PTPRD: variants seen among roughly 807,000 people sequenced by gnomAD.
The protein encoded by PTPRD is protein tyrosine phosphatase receptor type D.
PTPRD carries 34 observed loss-of-function variants against 214.5 expected under a neutral mutation model. The ratio of observed to expected loss-of-function variants is 0.16; its 90% CI spans 0.12 to 0.21. PTPRD has a LOEUF of 0.21. Among genes scored for constraint, PTPRD ranks in the 10% least tolerant of loss-of-function variants. The pLI is 1.00. For synonymous variants in PTPRD, 1,128 were observed against 845.7 expected (o/e 1.33, Z -5.79); for missense variants, 2,545 against 2,398.7 (o/e 1.06, Z -1.27).
chr9:10,334,216 T>G (rs1322342900), intron 3 of PTPRD, among the ~76,000 whole-genome samples: 1 of 151,764 alleles, frequency 6.6e-6, no homozygotes, highest in Admixed American at 6.6e-5. Context: ...GGTTATAAGA[T>G]AATAGGCAAA....
At chr9:10,264,778 GAT>G (rs1157076612) in intron 3 of PTPRD, among the ~76,000 whole-genome samples, 2 of 152,052 alleles carry the variant, frequency 1.3e-5, no homozygotes, top group African/African-American at 4.8e-5. Flanking sequence ...GGGGCGGAAT[GAT>G]ATGGTTTTGC....
At chr9:9,062,485 C>G (rs1390012868) in intron 10 of PTPRD, among the ~76,000 whole-genome samples, 3 of 152,102 alleles carry the variant, frequency 2.0e-5, no homozygotes, top group African/African-American at 4.8e-5. Flanking sequence ...CCCCATGGAT[C>G]TCACCCACAC....
intron 11 of PTPRD, among the ~76,000 whole-genome samples, chr9:8,848,258 A>C (rs961440049): frequency 6.7e-6 from 1 of 150,210 alleles, no homozygotes; most frequent in Non-Finnish European, 1.5e-5. Flanking sequence ...GGAACAGAAG[A>C]TACTCTTCAG....
chr9:9,012,112 C>T (rs1039264507), intron 11 of PTPRD, among the ~76,000 whole-genome samples: 1 of 152,152 alleles, frequency 6.6e-6, no homozygotes, highest in African/African-American at 2.4e-5. Flanking sequence ...CAAGGAACTT[C>T]AGGCAGCTCC....
At chr9:9,831,796 G>C (rs190770021) in intron 5 of PTPRD, among the ~76,000 whole-genome samples, 3 of 152,068 alleles carry the variant, frequency 2.0e-5, no homozygotes, top group East Asian at 3.9e-4. Context: ...TTTCACCAAG[G>C]TGGAGGGATG....
intron 11 of PTPRD, among the ~76,000 whole-genome samples, chr9:8,873,333 T>G (rs984029549): frequency 6.6e-6 from 1 of 152,198 alleles, no homozygotes; most frequent in Non-Finnish European, 1.5e-5. Flanking sequence ...TTCTGAGTGA[T>G]TATTACCAGC....
At chr9:9,123,011 G>T (rs1200523767) in intron 10 of PTPRD, among the ~76,000 whole-genome samples, 2 of 152,112 alleles carry the variant, frequency 1.3e-5, no homozygotes, top group Admixed American at 6.6e-5. Flanking sequence ...CACTGTTTTT[G>T]TTGTTGTTGT....
chr9:9,827,121 A>G (rs2153591513), intron 5 of PTPRD, among the ~76,000 whole-genome samples: 1 of 152,232 alleles, frequency 6.6e-6, no homozygotes, highest in East Asian at 1.9e-4. Flanking sequence ...CCATCAAGCT[A>G]CCAATGACTT....
chr9:9,068,588 T>A (rs1422894032), intron 10 of PTPRD, among the ~76,000 whole-genome samples: 2 of 152,142 alleles, frequency 1.3e-5, no homozygotes, highest in East Asian at 3.9e-4. Context: ...TTCTCATCTT[T>A]ATCTTGCAAC....
chr9:10,573,370 T>G (rs1265006964), intron 2 of PTPRD, among the ~76,000 whole-genome samples: 1 of 152,126 alleles, frequency 6.6e-6, no homozygotes, highest in Non-Finnish European at 1.5e-5. Context: ...ATCCTGAAGG[T>G]CGCAAATTTA....
At chr9:9,150,767 C>G (rs551639495) in intron 10 of PTPRD, among the ~76,000 whole-genome samples, 1 of 152,100 alleles carries the variant, frequency 6.6e-6, no homozygotes, top group Non-Finnish European at 1.5e-5. Flanking sequence ...AGCCAACAAC[C>G]GGCCTGAAAC....
At chr9:9,803,555 C>A (rs188861328) in intron 5 of PTPRD, among the ~76,000 whole-genome samples, 284 of 151,958 alleles carry the variant, frequency 1.9e-3, no homozygotes, top group Non-Finnish European at 2.8e-3. Context: ...ACTTCATGGC[C>A]AGCAGAGTTA....
chr9:10,003,478 C>A (rs1470921509), intron 4 of PTPRD, among the ~76,000 whole-genome samples: 5 of 151,468 alleles, frequency 3.3e-5, no homozygotes, highest in East Asian at 1.9e-4. Flanking sequence ...ATTATAAGAA[C>A]AATTGTGTGT....
intron 3 of PTPRD, among the ~76,000 whole-genome samples, chr9:10,078,595 A>C (rs2098177700): frequency 6.6e-6 from 1 of 151,154 alleles, no homozygotes; most frequent in African/African-American, 2.4e-5. Context: ...GGCATCATTA[A>C]ATATCCCAAT....
intron 3 of PTPRD, among the ~76,000 whole-genome samples, chr9:10,232,402 C>T (rs772431581): frequency 2.6e-5 from 4 of 151,886 alleles, no homozygotes; most frequent in Non-Finnish European, 5.9e-5. Flanking sequence ...CTGGATGTTT[C>T]CCACTTCCCT....
At chr9:8,745,020 T>C (rs2092631061) in intron 11 of PTPRD, among the ~76,000 whole-genome samples, 1 of 152,196 alleles carries the variant, frequency 6.6e-6, no homozygotes. Context: ...CACTCTTCAC[T>C]TCTCTCACTC....
At chr9:10,533,279 C>T (rs2056908315) in intron 2 of PTPRD, among the ~76,000 whole-genome samples, 1 of 152,096 alleles carries the variant, frequency 6.6e-6, no homozygotes, top group East Asian at 1.9e-4. Context: ...TTATAAATCA[C>T]CTGGTCTCAG....
intron 5 of PTPRD, among the ~76,000 whole-genome samples, chr9:9,816,287 C>T (rs1217570043): frequency 6.6e-6 from 1 of 151,934 alleles, no homozygotes; most frequent in African/African-American, 2.4e-5. Context: ...TATATTCAAA[C>T]CTAGAAAACT....
intron 7 of PTPRD, among the ~76,000 whole-genome samples, chr9:9,656,328 T>G (rs1002931130): frequency 6.6e-6 from 1 of 152,198 alleles, no homozygotes; most frequent in Non-Finnish European, 1.5e-5. Flanking sequence ...TAGGGGAGCT[T>G]TATTGACAAT....
Sources: gnomAD v4.1 joint callset for allele counts (sites outside exome capture counted in the v4.1 genomes callset) on GRCh38, gnomAD v4.1.1 for gene constraint, MANE v1.5 for transcripts, NCBI Gene and HGNC (gene_info 2026-07-23, HGNC 2026-07-21) for gene names.